Variants in RBFOX1 observed in about 807,000 individuals in gnomAD.
RBFOX1 encodes RNA binding protein fox-1 homolog 1.
A neutral mutation model predicts 57.7 loss-of-function variants in RBFOX1; 8 were observed. That is an observed-to-expected ratio of 0.14 (90% CI 0.08 to 0.25). RBFOX1 has a LOEUF of 0.25. Among genes scored for constraint, RBFOX1 ranks in the 10% least tolerant of loss-of-function variants. The pLI, the probability that RBFOX1 is intolerant of heterozygous loss-of-function variation, is 1.00. For missense variants in RBFOX1, 611 were observed against 548.5 expected (o/e 1.11, Z -1.14); for synonymous variants, 326 against 222.4 (o/e 1.47, Z -4.15).
chr16:7,589,911 G>GT (rs2094346249), intron 7 of RBFOX1, among the ~76,000 whole-genome samples: 13 of 119,766 alleles, frequency 1.1e-4, no homozygotes, highest in Non-Finnish European at 1.5e-4. Flanking sequence ...TGTGTGTGCT[G>GT]GGTGTGTGTG....
intron 3 of RBFOX1, among the ~76,000 whole-genome samples, chr16:6,779,019 C>G (rs777205951): frequency 4.0e-5 from 6 of 151,730 alleles, no homozygotes; most frequent in Non-Finnish European, 8.8e-5. Context: ...GCAAACATTC[C>G]AAAACTACTA....
chr16:7,026,432 T>C (rs2040958110), intron 3 of RBFOX1, among the ~76,000 whole-genome samples: 1 of 152,204 alleles, frequency 6.6e-6, no homozygotes, highest in African/African-American at 2.4e-5. Context: ...CACTTACATT[T>C]CTGAATATTT....
chr16:6,332,352 G>A (rs2083143740), intron 2 of RBFOX1, among the ~76,000 whole-genome samples: 1 of 152,120 alleles, frequency 6.6e-6, no homozygotes, highest in African/African-American at 2.4e-5. Flanking sequence ...ATAATGGTAA[G>A]ACATAAATAA....
chr16:5,676,861 CA>C lies in RBFOX1; in HGVS notation c.318+77911del, dbSNP rs35849297. 1.4e-3 allele frequency among the ~76,000 whole-genome samples: 198 copies of C among 145,618 alleles called. 1 individual carries two copies. The highest frequency in any genetic ancestry group is 3.6e-3 in the Middle Eastern group (1 of 276). The stretch of plus-strand genomic sequence containing the variant: ...TGGGCAACAGAGCAAGACTCCACCT[CA>C]AAAAAAAAAAGTGCTCAGAACAGTG... On this transcript the variant is annotated intron_variant, in intron 3 of 19. Transcript: ENST00000641259.
intron 3 of RBFOX1, among the ~76,000 whole-genome samples, chr16:5,832,375 G>C (rs974325941): frequency 6.6e-6 from 1 of 152,218 alleles, no homozygotes; most frequent in Non-Finnish European, 1.5e-5. Flanking sequence ...AATGGGGCAT[G>C]CCCAGAAAGG....
chr16:7,454,741 A>G (rs1250577348), intron 4 of RBFOX1, among the ~76,000 whole-genome samples: 2 of 152,292 alleles, frequency 1.3e-5, no homozygotes, highest in East Asian at 1.9e-4. Flanking sequence ...CGATGTATAC[A>G]TTTCTACCAT....
In RBFOX1 at chr16:6,266,236, C is replaced by T. The variant is rs138904927; in HGVS notation, c.-126-50759C>T. ...ATGTAGCAAAGCCATAGCTAAAAGACAGCCAACACATAGCCTAGTGAGAAA... is the reference window on the plus strand; with the variant it reads ...ATGTAGCAAAGCCATAGCTAAAAGATAGCCAACACATAGCCTAGTGAGAAA... On this transcript the variant is annotated intron_variant, in intron 1 of 15. Transcript: ENST00000550418. 3.9e-5 allele frequency among the ~76,000 whole-genome samples: 6 copies of T among 152,296 alleles called. No individual in the cohort carries two copies. The East Asian group carries it at 1.2e-3, about 29-fold the overall frequency.
chr16:7,144,694 G>T (rs756356071), intron 4 of RBFOX1, among the ~76,000 whole-genome samples: 2 of 152,028 alleles, frequency 1.3e-5, no homozygotes, highest in Non-Finnish European at 2.9e-5. Flanking sequence ...CTGCAGAGCA[G>T]CTTCCCTCCG....
chr16:6,887,839 T>A (rs1401647843), intron 3 of RBFOX1, among the ~76,000 whole-genome samples: 1 of 152,040 alleles, frequency 6.6e-6, no homozygotes, highest in East Asian at 1.9e-4. Context: ...ATTTTTATAT[T>A]TTTAGTAGAG....
At chr16:6,921,058 C>T (rs976968898) in intron 3 of RBFOX1, among the ~76,000 whole-genome samples, 3 of 152,108 alleles carry the variant, frequency 2.0e-5, no homozygotes, top group South Asian at 2.1e-4. Context: ...CTATGGGGCT[C>T]AGCAGGTGTT....
chr16:7,569,494 T>A (rs182572361), intron 5 of RBFOX1, among the ~76,000 whole-genome samples: 4 of 152,316 alleles, frequency 2.6e-5, no homozygotes, highest in Admixed American at 2.6e-4. Flanking sequence ...TGGCCTCTGT[T>A]TCACTTCTCA....
intron 3 of RBFOX1, among the ~76,000 whole-genome samples, chr16:6,915,419 A>C (rs1364192296): frequency 2.6e-5 from 4 of 152,186 alleles, no homozygotes; most frequent in Admixed American, 1.3e-4. Context: ...TAATAAATCC[A>C]CGTAGCCCGT....
At position 5,728,782 on chromosome 16, in the gene RBFOX1, C is replaced by T. The variant is rs574853457; in HGVS notation, c.318+129821C>T. On this transcript the variant is annotated intron_variant, in intron 3 of 19. Coordinates refer to the RBFOX1 transcript ENST00000641259. Reference sequence around the variant, plus strand: ...CATGCAGAGTCCCTGATGAGCTACTCGCCACTGTGTTCTGCTGGCCCCTTT... The same window carrying T: ...CATGCAGAGTCCCTGATGAGCTACTTGCCACTGTGTTCTGCTGGCCCCTTT... 4.6e-5 allele frequency among the ~76,000 whole-genome samples: 7 copies of T among 152,252 alleles called. No homozygotes were observed. The East Asian group carries it at 9.7e-4, about 21-fold the overall frequency.
chr16:6,991,494 C>T (rs534226349), intron 3 of RBFOX1, among the ~76,000 whole-genome samples: 2 of 152,248 alleles, frequency 1.3e-5, no homozygotes, highest in East Asian at 1.9e-4. Context: ...AATGAATTCC[C>T]ATGTGATTAT....
intron 4 of RBFOX1, among the ~76,000 whole-genome samples, chr16:7,386,762 C>G (rs566367012): frequency 1.3e-5 from 2 of 152,194 alleles, no homozygotes; most frequent in African/African-American, 2.4e-5. Context: ...ATTGCTGGGT[C>G]TAATGGTATT....
At chr16:6,909,338 G>A (rs1321948180) in intron 3 of RBFOX1, among the ~76,000 whole-genome samples, 3 of 152,140 alleles carry the variant, frequency 2.0e-5, no homozygotes, top group African/African-American at 4.8e-5. Context: ...CCTCTTGTAA[G>A]GAACTTTGTG....
chr16:7,630,740 C>A (rs1473798583), intron 11 of RBFOX1, 57 bp downstream of exon 11: 1 of 1,606,628 alleles, frequency 6.2e-7, no homozygotes, highest in Admixed American at 1.7e-5. Context: ...GTCCAATCAC[C>A]TTCCCTGCCA....
At chr16:7,133,634 C>G (rs533796660) in intron 4 of RBFOX1, among the ~76,000 whole-genome samples, 1 of 151,944 alleles carries the variant, frequency 6.6e-6, no homozygotes, top group African/African-American at 2.4e-5. Context: ...ATGAAAGTAA[C>G]CTTGTAGAGC....
chr16:6,157,497 C>T (rs2096846621), intron 1 of RBFOX1, among the ~76,000 whole-genome samples: 1 of 152,060 alleles, frequency 6.6e-6, no homozygotes, highest in Admixed American at 6.5e-5. Context: ...TTTTTATTTG[C>T]TAACTGTGGT....
Sources: gnomAD v4.1 joint callset for allele counts (sites outside exome capture counted in the v4.1 genomes callset) on GRCh38, gnomAD v4.1.1 for gene constraint, MANE v1.5 for transcripts, NCBI Gene and HGNC (gene_info 2026-07-23, HGNC 2026-07-21) for gene names.